Variants in UBXN7 observed in about 807,000 individuals in gnomAD.
The protein encoded by UBXN7 is UBX domain protein 7, also known as UBX domain-containing protein 7.
In UBXN7, 9 loss-of-function variants were observed where a neutral mutation model predicts 58.0. The observed-to-expected ratio is 0.16, with a 90% CI of 0.09 to 0.27. The LOEUF (loss-of-function observed/expected upper bound fraction) is 0.27. Ranked by LOEUF, UBXN7 falls within the 10% of genes least tolerant of loss-of-function variation. The pLI, the probability that UBXN7 is intolerant of heterozygous loss-of-function variation, is 1.00. For synonymous variants in UBXN7, 208 were observed against 205.0 expected, an observed-to-expected ratio of 1.01 and a Z score of -0.12; for missense variants, 328 against 599.6, an observed-to-expected ratio of 0.55 and a Z score of 4.73.
intron 5 of UBXN7, among the ~76,000 whole-genome samples, chr3:196,384,896 A>T (rs1266915549): frequency 6.6e-6 from 1 of 152,210 alleles, no homozygotes; most frequent in Non-Finnish European, 1.5e-5. Flanking sequence ...GGCACAAGAC[A>T]AGGATGCCCT....
At chr3:196,417,915 T>C (rs1378504647) in intron 1 of UBXN7, among the ~76,000 whole-genome samples, 8 of 150,688 alleles carry the variant, frequency 5.3e-5, no homozygotes, top group Non-Finnish European at 5.9e-5. Context: ...AGCAAAATCC[T>C]GTCTCTAAAA....
intron 2 of UBXN7, among the ~76,000 whole-genome samples, chr3:196,404,000 G>A (rs1442519962): frequency 6.6e-6 from 1 of 151,380 alleles, no homozygotes; most frequent in African/African-American, 2.4e-5. Context: ...TGTAATCCCA[G>A]TACTTTGGGA....
At chr3:196,393,901 A>AATCCAAACATTAAT (rs1729662277) in intron 3 of UBXN7, 1 of 217,858 alleles carries the variant, frequency 4.6e-6, no homozygotes, top group Non-Finnish European at 9.3e-6. Flanking sequence ...TCATTCATGT[A>AATCCAAACATTAAT]TAATTAATCC....
In UBXN7 at chr3:196,355,284, C is replaced by T. The variant is rs1210585271; in HGVS notation, c.*1401G>A. The T allele has an allele frequency of 6.6e-6, 1 of 152,190 alleles. No homozygotes were observed. The highest frequency in any genetic ancestry group is 2.4e-5 in the African/African-American group (1 of 41,456). The allele number at this position is 152,190 out of a possible 1,614,324, so 9.4% of individuals were successfully genotyped here. ...GCCACCAGAATCACGACTACCCCCC[C>T]TTCAGAGGACTCCATTTAAGCTCAA... is the stretch of plus-strand genomic sequence containing the variant. On this transcript the variant is annotated 3_prime_UTR_variant, in exon 11 of 11. Coordinates refer to ENST00000296328, the MANE Select transcript of UBXN7 (RefSeq NM_015562.2).
At chr3:196,400,603 A>C in intron 3 of UBXN7, 1 of 189,456 alleles carries the variant, frequency 5.3e-6, no homozygotes, top group South Asian at 6.7e-5. Flanking sequence ...AAAACAAAAC[A>C]ATTAGCCAGG....
chr3:196,371,798 T>C lies in UBXN7; in HGVS notation c.615+98A>G, dbSNP rs182990593. On this transcript the variant is annotated intron_variant, in intron 6 of 10. Coordinates refer to ENST00000296328, the MANE Select transcript of UBXN7 (RefSeq NM_015562.2). ...GCCCCCAGCCGGCTTTACCTTTTTT[T>C]AAATGTCTTAATTCATTATAACCCA... is the stretch of plus-strand genomic sequence containing the variant. 12 of 1,456,818 alleles carry C rather than the reference T, an allele frequency of 8.2e-6. No homozygotes were observed. The East Asian group carries it at 2.0e-4, about 24-fold the overall frequency. 90.2% of individuals were successfully genotyped at this position (1,456,818 alleles called of 1,614,324 possible). A position where few individuals can be genotyped will look rare whatever the true frequency, so the allele number is the denominator to read the frequency against.
intron 3 of UBXN7, among the ~76,000 whole-genome samples, chr3:196,398,335 T>G (rs1266959404): frequency 1.3e-5 from 2 of 152,262 alleles, no homozygotes; most frequent in East Asian, 3.9e-4. Flanking sequence ...GCAGTTTAAT[T>G]TTGGAACAAT....
intron 3 of UBXN7, among the ~76,000 whole-genome samples, chr3:196,397,350 C>T (rs961161756): frequency 6.6e-6 from 1 of 152,188 alleles, no homozygotes; most frequent in African/African-American, 2.4e-5. Flanking sequence ...CATATCTGTT[C>T]GTATTTGGCT....
At chr3:196,363,242 A>G (rs1728558123) in intron 8 of UBXN7, among the ~76,000 whole-genome samples, 1 of 119,906 alleles carries the variant, frequency 8.3e-6, no homozygotes, top group Non-Finnish European at 1.7e-5. Flanking sequence ...ATACATACAT[A>G]CATACATAAA....
intron 8 of UBXN7, among the ~76,000 whole-genome samples, chr3:196,367,526 C>T (rs963623265): frequency 2.0e-5 from 3 of 152,102 alleles, no homozygotes; most frequent in African/African-American, 7.2e-5. Context: ...CCTAGCTATT[C>T]GGGCAGTTGA....
Sources: allele counts gnomAD v4.1 joint callset (sites outside exome capture counted in the v4.1 genomes callset), GRCh38; gene constraint gnomAD v4.1.1; transcripts MANE v1.5; gene names NCBI Gene and HGNC (gene_info 2026-07-23, HGNC 2026-07-21).